NR3C2: variants seen among roughly 807,000 people sequenced by gnomAD.
NR3C2 encodes nuclear receptor subfamily 3 group C member 2.
NR3C2 carries 15 observed loss-of-function variants against 86.4 expected under a neutral mutation model. That is an observed-to-expected ratio of 0.17 (90% confidence interval 0.12 to 0.27). The LOEUF is 0.27. Ranked by LOEUF, NR3C2 falls within the 10% of genes least tolerant of loss-of-function variation. The pLI, the probability that NR3C2 is intolerant of heterozygous loss-of-function variation, is 1.00. For missense variants in NR3C2, 960 were observed against 1,195.6 expected (o/e 0.80, Z 2.91); for synonymous variants, 458 against 450.5 (o/e 1.02, Z -0.21).
At chr4:148,116,129 C>A (rs773213276) in intron 7 of NR3C2, among the ~76,000 whole-genome samples, 1 of 152,080 alleles carries the variant, frequency 6.6e-6, no homozygotes, top group African/African-American at 2.4e-5. Context: ...TGGACATCAC[C>A]CTATACATGA....
chr4:148,410,693 G>A (rs145592304), intron 2 of NR3C2, among the ~76,000 whole-genome samples: 11 of 152,148 alleles, frequency 7.2e-5, no homozygotes, highest in Middle Eastern at 3.4e-3. Flanking sequence ...TTACCTATCC[G>A]CAAGTTAACA....
At chr4:148,332,603 T>C (rs1056785277) in intron 2 of NR3C2, among the ~76,000 whole-genome samples, 1 of 152,084 alleles carries the variant, frequency 6.6e-6, no homozygotes, top group Admixed American at 6.5e-5. Flanking sequence ...CTGTCCTTGG[T>C]ATGCTAACAT....
At chr4:148,391,345 G>C (rs1352983598) in intron 2 of NR3C2, among the ~76,000 whole-genome samples, 1 of 152,056 alleles carries the variant, frequency 6.6e-6, no homozygotes, top group East Asian at 1.9e-4. Context: ...AAAAATCAAG[G>C]TTTTCTTAAT....
At chr4:148,120,044 T>G in intron 7 of NR3C2, 114 bp downstream of exon 7, 1 of 1,356,060 alleles carries the variant, frequency 7.4e-7, no homozygotes, top group Non-Finnish European at 1.0e-6. Context: ...AGTGTTTCTG[T>G]TTGGTTTGTT....
Position 148,114,103 on chromosome 4 carries a change from C to T in NR3C2, c.2799+1G>A. 1 of 1,613,010 alleles carries T rather than the reference C, an allele frequency of 6.2e-7. No individual in the cohort carries two copies. The highest frequency in any genetic ancestry group is 8.5e-7 in the Non-Finnish European group (1 of 1,179,740). ...AGGAACCAAGGAGGGGCTCTACTCACGTCATGCATGGAGTCCAGCAGCTTG... is the reference window on the plus strand; with the variant it reads ...AGGAACCAAGGAGGGGCTCTACTCATGTCATGCATGGAGTCCAGCAGCTTG... On this transcript the variant is annotated splice_donor_variant, in intron 8 of 8. Transcript: ENST00000358102. LOFTEE classifies it high-confidence loss of function.
At chr4:148,323,578 G>C (rs1743766869) in intron 2 of NR3C2, among the ~76,000 whole-genome samples, 1 of 151,890 alleles carries the variant, frequency 6.6e-6, no homozygotes, top group Non-Finnish European at 1.5e-5. Flanking sequence ...ACATAATCTC[G>C]TGGTGCGCCG....
intron 4 of NR3C2, among the ~76,000 whole-genome samples, chr4:148,183,941 C>A (rs551736173): frequency 5.3e-5 from 8 of 152,046 alleles, no homozygotes; most frequent in African/African-American, 1.9e-4. Flanking sequence ...TTGGTAAAGT[C>A]TGGAGATATT....
chr4:148,229,918 T>C (rs148430357), intron 3 of NR3C2, among the ~76,000 whole-genome samples: 240 of 152,274 alleles, frequency 1.6e-3, no homozygotes, highest in Non-Finnish European at 3.0e-3. Flanking sequence ...CTTACTTATG[T>C]CCAGGGTGCT....
At chr4:148,277,212 C>G (rs899271169) in intron 2 of NR3C2, among the ~76,000 whole-genome samples, 1 of 152,086 alleles carries the variant, frequency 6.6e-6, no homozygotes, top group African/African-American at 2.4e-5. Context: ...TAAATAAAAG[C>G]TTAAATTTCA....
chr4:148,427,065 G>A (rs1458584362), intron 2 of NR3C2, among the ~76,000 whole-genome samples: 2 of 151,564 alleles, frequency 1.3e-5, no homozygotes, highest in African/African-American at 2.4e-5. Context: ...AGCGATTCTT[G>A]CGTCTCAGCC....
chr4:148,089,888 C>T (rs1730983692), intron 8 of NR3C2, among the ~76,000 whole-genome samples: 1 of 152,228 alleles, frequency 6.6e-6, no homozygotes, highest in Admixed American at 6.5e-5. Flanking sequence ...TGGAGTCCCT[C>T]CATGTGGGTG....
chr4:148,286,200 G>T (rs1741510856), intron 2 of NR3C2, among the ~76,000 whole-genome samples: 1 of 152,058 alleles, frequency 6.6e-6, no homozygotes, highest in Non-Finnish European at 1.5e-5. Context: ...TAATTTTCTG[G>T]GGATATGCTA....
intron 3 of NR3C2, among the ~76,000 whole-genome samples, chr4:148,223,582 T>C (rs1267978542): frequency 1.3e-5 from 2 of 152,154 alleles, no homozygotes; most frequent in African/African-American, 4.8e-5. Flanking sequence ...GAAAGAAGTA[T>C]TGGTAAAATA....
chr4:148,095,637 T>C lies in NR3C2; in HGVS notation c.2800-14138A>G, dbSNP rs115017817. ...CTAAATGCTAGGCACGTGAGAGGCA[T>C]TTGGGGACCTTAGAGGGAAGCTTAG... On this transcript the variant is annotated intron_variant, in intron 8 of 8. Transcript: ENST00000358102. 6.7e-3 allele frequency among the ~76,000 whole-genome samples: 1,023 copies of C among 152,248 alleles called. 10 individuals carry two copies. Among genetic ancestry groups the C allele is most frequent in the African/African-American group, 0.023 (958 of 41,540 alleles).
Position 148,435,522 on chromosome 4 carries a change from C to T in NR3C2, c.1339G>A (p.Val447Ile). 6.2e-7 allele frequency: 1 copy of T among 1,614,122 alleles called. No individual in the cohort carries two copies. The highest frequency in any genetic ancestry group is 8.5e-7 in the Non-Finnish European group (1 of 1,180,026). ...SGTSFKGNPT[V>I]NPFPFMDGSY... Reference sequence around the variant, plus strand: ...CCATCCATAAATGGAAACGGGTTTACTGTTGGATTCCCTTTAAAAGAGGTG... The same window carrying T: ...CCATCCATAAATGGAAACGGGTTTATTGTTGGATTCCCTTTAAAAGAGGTG... The change falls in exon 2 of 9, where the codon GTA becomes ATA. Residue 447 changes from valine (V) to isoleucine (I), a missense_variant. By Grantham distance (29) the Val-to-Ile change is conservative. This residue lies in a region of NR3C2 where 680 missense variants were observed against 719.0 expected (regional missense o/e 0.95). Coordinates refer to ENST00000358102, the MANE Select transcript of NR3C2 (RefSeq NM_000901.5).
Position 148,142,938 on chromosome 4 carries a change from T to C in NR3C2, c.2510+9531A>G, listed in dbSNP as rs764170948. On this transcript the variant is annotated intron_variant, in intron 6 of 8. Transcript: ENST00000358102. ...TCTTGCTCCTGCTTTTGCCATGTGA[T>C]GTGCCTACTCTCCCTTCAGCTTCTG... 1.3e-4 allele frequency among the ~76,000 whole-genome samples: 20 copies of C among 152,192 alleles called. 1 individual carries two copies. The highest frequency in any genetic ancestry group is 9.2e-4 in the Admixed American group (14 of 15,278).
chr4:148,260,428 G>A (rs1740039109), intron 2 of NR3C2, among the ~76,000 whole-genome samples: 1 of 152,064 alleles, frequency 6.6e-6, no homozygotes, highest in Non-Finnish European at 1.5e-5. Flanking sequence ...ACTTTAAGTG[G>A]GCAGGGCAAA....
At chr4:148,388,349 G>A (rs1296003871) in intron 2 of NR3C2, among the ~76,000 whole-genome samples, 2 of 152,266 alleles carry the variant, frequency 1.3e-5, no homozygotes, top group East Asian at 3.9e-4. Context: ...TGAAAAATCT[G>A]AATCCAAAAC....
upstream of NR3C2, chr4:148,443,058 C>A: frequency 1.2e-6 from 1 of 804,966 alleles, no homozygotes; most frequent in Non-Finnish European, 1.5e-6. Context: ...CCTCTCCCAG[C>A]CCCTTTCCAC....
Sources: gnomAD v4.1 joint callset for allele counts (sites outside exome capture counted in the v4.1 genomes callset) on GRCh38, gnomAD v4.1.1 for gene constraint, gnomAD v4.1.1 regional missense constraint, MANE v1.5 for transcripts, NCBI Gene and HGNC (gene_info 2026-07-23, HGNC 2026-07-21) for gene names.